Variants in NOS1AP observed in about 807,000 individuals in gnomAD.
The protein encoded by NOS1AP is nitric oxide synthase 1 adaptor protein, also known as carboxyl-terminal PDZ ligand of neuronal nitric oxide synthase protein.
NOS1AP carries 21 observed loss-of-function variants against 56.2 expected under a neutral mutation model. The ratio of observed to expected loss-of-function variants is 0.37; its 90% CI spans 0.26 to 0.54. The LOEUF is 0.54. Ranked by LOEUF, NOS1AP falls within the 20% of genes least tolerant of loss-of-function variation. The pLI is 0.84. For missense variants in NOS1AP, 522 were observed against 657.8 expected, an observed-to-expected ratio of 0.79 and a Z score of 2.26; for synonymous variants, 270 against 274.6, an observed-to-expected ratio of 0.98 and a Z score of 0.17.
At chr1:162,241,359 G>A (rs1363751161) in intron 2 of NOS1AP, among the ~76,000 whole-genome samples, 3 of 152,128 alleles carry the variant, frequency 2.0e-5, no homozygotes, top group African/African-American at 7.2e-5. Context: ...AGCATGGAAG[G>A]GCAAGAAAAC....
intron 2 of NOS1AP, among the ~76,000 whole-genome samples, chr1:162,220,295 C>G (rs771491321): frequency 5.9e-5 from 9 of 152,004 alleles, no homozygotes; most frequent in Non-Finnish European, 1.0e-4. Flanking sequence ...TAACTACCTC[C>G]CTCATTTTGA....
intron 3 of NOS1AP, among the ~76,000 whole-genome samples, chr1:162,288,639 TTTACAAAGGTCTC>T (rs1655164788): frequency 6.6e-6 from 1 of 152,214 alleles, no homozygotes; most frequent in Admixed American, 6.5e-5. Flanking sequence ...TCTCTGGATG[TTTACAAAGGTCTC>T]TTACGTATTA....
At chr1:162,352,086 A>ATCTCAC (rs553749744) in intron 6 of NOS1AP, among the ~76,000 whole-genome samples, 1,954 of 151,120 alleles carry the variant, frequency 0.013, 23 homozygotes, top group Non-Finnish European at 0.02. Context: ...TCAAGACAGA[A>ATCTCAC]TCTCACTCTA....
chr1:162,347,218 CTT>C (rs1342197956), intron 6 of NOS1AP, among the ~76,000 whole-genome samples: 2 of 152,362 alleles, frequency 1.3e-5, no homozygotes, highest in East Asian at 3.9e-4. Flanking sequence ...ATTGTTAACT[CTT>C]CTTTGGTCAT....
At chr1:162,264,464 T>C (rs79486508) in intron 2 of NOS1AP, among the ~76,000 whole-genome samples, 13 of 398 alleles carry the variant, frequency 0.033, 1 homozygote, top group East Asian at 0.12. Flanking sequence ...TCTTCTCTTC[T>C]CCTCCCCTCC....
At chr1:162,317,549 A>C (rs6427669) in intron 4 of NOS1AP, among the ~76,000 whole-genome samples, 7,812 of 152,176 alleles carry the variant, frequency 0.051, 557 homozygotes, top group African/African-American at 0.16. Flanking sequence ...GGGAATTTGA[A>C]AAGCTAAATG....
chr1:162,156,120 G>A (rs1021394682), intron 2 of NOS1AP, among the ~76,000 whole-genome samples: 3 of 152,072 alleles, frequency 2.0e-5, no homozygotes, highest in East Asian at 1.9e-4. Context: ...CTTGATCTTC[G>A]CAGTATTTCA....
chr1:162,216,629 T>C (rs1304314609), intron 2 of NOS1AP, among the ~76,000 whole-genome samples: 1 of 152,224 alleles, frequency 6.6e-6, no homozygotes, highest in Non-Finnish European at 1.5e-5. Context: ...CAACATCACA[T>C]GTGTATTGCA....
At chr1:162,171,797 T>TA (rs1200334589) in intron 2 of NOS1AP, among the ~76,000 whole-genome samples, 1 of 152,126 alleles carries the variant, frequency 6.6e-6, no homozygotes, top group Non-Finnish European at 1.5e-5. Context: ...TCTTCTCTCT[T>TA]GTCATGCTTC....
intron 2 of NOS1AP, among the ~76,000 whole-genome samples, chr1:162,235,053 C>T (rs1475745113): frequency 1.3e-5 from 2 of 152,154 alleles, no homozygotes; most frequent in South Asian, 2.1e-4. Context: ...TGTTTTAAAC[C>T]TGAGCGTTCC....
At chr1:162,164,738 G>A (rs143975589) in intron 2 of NOS1AP, among the ~76,000 whole-genome samples, 23 of 152,180 alleles carry the variant, frequency 1.5e-4, no homozygotes, top group African/African-American at 5.1e-4. Context: ...TGACCTTTTG[G>A]TACTCAGCAC....
chr1:162,323,054 GATGTTATTTGA>G (rs560845450), intron 4 of NOS1AP, among the ~76,000 whole-genome samples: 22 of 152,308 alleles, frequency 1.4e-4, no homozygotes, highest in Non-Finnish European at 2.8e-4. Context: ...TGTGAATGTG[GATGTTATTTGA>G]ATATAGGGAG....
Position 162,370,096 on chromosome 1 carries a change from G to T in NOS1AP, c.*2629G>T, listed in dbSNP as rs1487847181. The T allele has an allele frequency of 6.6e-6, 1 of 152,302 alleles. No homozygotes were observed. The highest frequency in any genetic ancestry group is 6.5e-5 in the Admixed American group (1 of 15,284). 9.4% of individuals were successfully genotyped at this position (152,302 alleles called of 1,614,324 possible). A position where few individuals can be genotyped will look rare whatever the true frequency, so the allele number is the denominator to read the frequency against. ...CTGCCCCAGCCTACCCCAGGTGCCAGCAGACTCTCGTGCACAGGAGGCTCC... is the reference window on the plus strand; with the variant it reads ...CTGCCCCAGCCTACCCCAGGTGCCATCAGACTCTCGTGCACAGGAGGCTCC... On this transcript the variant is annotated 3_prime_UTR_variant, in exon 10 of 10. Coordinates refer to ENST00000361897, the MANE Select transcript of NOS1AP (RefSeq NM_014697.3).
chr1:162,118,958 A>G (rs1214016365), intron 1 of NOS1AP, among the ~76,000 whole-genome samples: 2 of 152,166 alleles, frequency 1.3e-5, no homozygotes, highest in African/African-American at 2.4e-5. Context: ...GGGAGCCCAT[A>G]GACCTATGAG....
intron 1 of NOS1AP, among the ~76,000 whole-genome samples, chr1:162,096,270 G>C (rs1459347078): frequency 1.3e-5 from 2 of 152,112 alleles, no homozygotes; most frequent in Non-Finnish European, 2.9e-5. Context: ...CCAATGATGG[G>C]GAAGTCTTCA....
intron 2 of NOS1AP, among the ~76,000 whole-genome samples, chr1:162,202,562 C>T (rs1239655527): frequency 6.6e-6 from 1 of 152,026 alleles, no homozygotes; most frequent in Non-Finnish European, 1.5e-5. Context: ...ATCATTTCCT[C>T]TAATGTGGGC....
At chr1:162,294,155 A>G (rs552318162) in intron 3 of NOS1AP, among the ~76,000 whole-genome samples, 19 of 142,884 alleles carry the variant, frequency 1.3e-4, no homozygotes, top group African/African-American at 4.9e-4. Context: ...AGAGAGGGGA[A>G]GAAGGAAGGA....
chr1:162,165,452 A>G (rs1650443822), intron 2 of NOS1AP, among the ~76,000 whole-genome samples: 1 of 152,220 alleles, frequency 6.6e-6, no homozygotes, highest in Non-Finnish European at 1.5e-5. Flanking sequence ...AAGATTTGTT[A>G]CTTTATCCTT....
chr1:162,159,865 T>A (rs954554736), intron 2 of NOS1AP, among the ~76,000 whole-genome samples: 2 of 152,146 alleles, frequency 1.3e-5, no homozygotes, highest in Non-Finnish European at 1.5e-5. Flanking sequence ...TTTTTAAGGA[T>A]ACTGGTGTGG....
Sources: gnomAD v4.1 joint callset for allele counts (sites outside exome capture counted in the v4.1 genomes callset) on GRCh38, gnomAD v4.1.1 for gene constraint, MANE v1.5 for transcripts, NCBI Gene and HGNC (gene_info 2026-07-23, HGNC 2026-07-21) for gene names.